The following TNRC6B variants were observed in gnomAD, a reference collection of about 807,000 sequenced individuals.
TNRC6B encodes trinucleotide repeat-containing gene 6B protein.
TNRC6B carries 52 observed loss-of-function variants against 203.6 expected under a neutral mutation model. That is an observed-to-expected ratio of 0.26 (90% confidence interval 0.20 to 0.32). The LOEUF (loss-of-function observed/expected upper bound fraction) is 0.32, where lower values mean the gene tolerates loss of function less well. Ranked by LOEUF, TNRC6B falls within the 10% of genes least tolerant of loss-of-function variation. TNRC6B has a pLI of 1.00. For missense variants in TNRC6B, 1,923 were observed against 2,286.2 expected (o/e 0.84, Z 3.24); for synonymous variants, 838 against 845.7 (o/e 0.99, Z 0.16).
At chr22:40,087,507 T>C (rs2068110894) in intron 1 of TNRC6B, among the ~76,000 whole-genome samples, 1 of 152,156 alleles carries the variant, frequency 6.6e-6, no homozygotes, top group Non-Finnish European at 1.5e-5. Context: ...AAGACAATTA[T>C]ATATGTAATT....
At chr22:40,263,853 G>A (rs1185897370) in intron 4 of TNRC6B, among the ~76,000 whole-genome samples, 2 of 152,166 alleles carry the variant, frequency 1.3e-5, no homozygotes, top group African/African-American at 2.4e-5. Context: ...TGCTTACTCC[G>A]CAGCATTGTG....
intron 4 of TNRC6B, among the ~76,000 whole-genome samples, chr22:40,171,053 C>A (rs2068991126): frequency 1.4e-5 from 2 of 145,602 alleles, no homozygotes. Context: ...TATATATATA[C>A]ACATACATGT....
At chr22:40,300,634 T>A (rs2071010430) in intron 13 of TNRC6B, 48 bp downstream of exon 13, 2 of 1,580,104 alleles carry the variant, frequency 1.3e-6, no homozygotes, top group African/African-American at 2.8e-5. Context: ...ATTTGCTTTT[T>A]TTTTTTCTTT....
chr22:40,149,404 C>T (rs2068725665), intron 3 of TNRC6B, among the ~76,000 whole-genome samples: 1 of 152,106 alleles, frequency 6.6e-6, no homozygotes, highest in Non-Finnish European at 1.5e-5. Flanking sequence ...TGCGGTGGCT[C>T]ACACTTGTAA....
chr22:40,303,161 A>C (rs149469875), intron 15 of TNRC6B, among the ~76,000 whole-genome samples: 1 of 149,348 alleles, frequency 6.7e-6, no homozygotes, highest in Admixed American at 6.7e-5. Context: ...TCCTGAGTAG[A>C]TGGGATTACA....
intron 3 of TNRC6B, among the ~76,000 whole-genome samples, chr22:40,258,813 C>T (rs975981026): frequency 8.5e-5 from 13 of 152,148 alleles, no homozygotes; most frequent in African/African-American, 3.1e-4. Flanking sequence ...TGATACCTAC[C>T]AAATTTCTTC....
chr22:40,208,834 T>A (rs2069520819), intron 1 of TNRC6B, among the ~76,000 whole-genome samples: 1 of 152,238 alleles, frequency 6.6e-6, no homozygotes, highest in African/African-American at 2.4e-5. Context: ...TACTTATTTT[T>A]AAATGCGTTT....
intron 3 of TNRC6B, among the ~76,000 whole-genome samples, chr22:40,142,802 C>T (rs181994239): frequency 2.0e-5 from 3 of 151,778 alleles, no homozygotes; most frequent in African/African-American, 4.8e-5. Context: ...TAAGACTTCA[C>T]GATTAGAAAA....
At chr22:40,297,491 A>T (rs2146543314) in intron 12 of TNRC6B, among the ~76,000 whole-genome samples, 1 of 152,302 alleles carries the variant, frequency 6.6e-6, no homozygotes, top group Non-Finnish European at 1.5e-5. Flanking sequence ...ATGCTCATAA[A>T]GATATACGTA....
intron 12 of TNRC6B, among the ~76,000 whole-genome samples, chr22:40,291,813 T>C (rs982198080): frequency 1.3e-5 from 2 of 152,258 alleles, no homozygotes; most frequent in African/African-American, 4.8e-5. Context: ...CAAAGCACAT[T>C]AATATTTTAA....
At chr22:40,154,898 T>TATATATATATATAC (rs2068806229) in intron 3 of TNRC6B, among the ~76,000 whole-genome samples, 1 of 111,840 alleles carries the variant, frequency 8.9e-6, no homozygotes. Context: ...TATATATACA[T>TATATATATATATAC]ATATATATAT....
chr22:40,321,412 G>A (rs1423617930), intron 22 of TNRC6B, 183 bp downstream of exon 22: 4 of 675,630 alleles, frequency 5.9e-6, no homozygotes, highest in Non-Finnish European at 2.5e-6. Flanking sequence ...ACCAAAGCTT[G>A]GATTGTCCTG....
chr22:40,256,920 A>G (rs75973835), intron 3 of TNRC6B, among the ~76,000 whole-genome samples: 7,778 of 152,234 alleles, frequency 0.051, 282 homozygotes, highest in South Asian at 0.094. Flanking sequence ...AAAGATCACT[A>G]GTGACTTATG....
chr22:40,319,826 T>A (rs2071311941), intron 21 of TNRC6B, among the ~76,000 whole-genome samples: 1 of 152,188 alleles, frequency 6.6e-6, no homozygotes, highest in African/African-American at 2.4e-5. Context: ...TTCGGTACTA[T>A]TGGTGGTTTC....
intron 1 of TNRC6B, among the ~76,000 whole-genome samples, chr22:40,053,648 TGTA>T: frequency 6.6e-6 from 1 of 152,350 alleles, no homozygotes; most frequent in Non-Finnish European, 1.5e-5. Flanking sequence ...GTGAGACTAT[TGTA>T]GTCATCTTTG....
At chr22:40,134,147 C>A (rs898144918) in intron 3 of TNRC6B, among the ~76,000 whole-genome samples, 8 of 152,090 alleles carry the variant, frequency 5.3e-5, no homozygotes. Context: ...AATACTCTAT[C>A]CTCAAGGATG....
chr22:40,277,436 C>T (rs946826169), intron 8 of TNRC6B, among the ~76,000 whole-genome samples: 3 of 152,182 alleles, frequency 2.0e-5, no homozygotes, highest in Admixed American at 6.6e-5. Context: ...TGTTTCCAAC[C>T]GCATTACTGT....
Position 40,220,734 on chromosome 22 carries a change from G to A in TNRC6B, c.6-25281G>A, listed in dbSNP as rs563883627. Among the ~76,000 whole-genome samples, 6 of 152,248 alleles carry A rather than the reference G, an allele frequency of 3.9e-5. No homozygotes were observed. In the South Asian group the frequency reaches 1.0e-3, roughly 26 times the overall value. On this transcript the variant is annotated intron_variant, in intron 1 of 22. Coordinates refer to ENST00000454349, the MANE Select transcript of TNRC6B (RefSeq NM_001162501.2). Reference sequence around the variant, plus strand: ...TGGAAAGCTTAACTATAGAAACCCCGAGTTGGCCAGGAGAATTGGCAGGCG... The same window carrying A: ...TGGAAAGCTTAACTATAGAAACCCCAAGTTGGCCAGGAGAATTGGCAGGCG...
In TNRC6B at chr22:40,328,535, T is replaced by C. The variant is rs2071429426; in HGVS notation, c.*5294T>C. 1 of 152,194 alleles carries C rather than the reference T, an allele frequency of 6.6e-6. No individual in the cohort carries two copies. The highest frequency in any genetic ancestry group is 2.4e-5 in the African/African-American group (1 of 41,462). 9.4% of individuals were successfully genotyped at this position (152,194 alleles called of 1,614,324 possible). A position where few individuals can be genotyped will look rare whatever the true frequency, so the allele number is the denominator to read the frequency against. On this transcript the variant is annotated 3_prime_UTR_variant, in exon 23 of 23. Coordinates refer to ENST00000454349, the MANE Select transcript of TNRC6B (RefSeq NM_001162501.2). ...AACTATTCACTCATTTTTACCACTT[T>C]TTTTTTTGGGTGAGGGGGTGATTTT...
Sources: allele counts gnomAD v4.1 joint callset (sites outside exome capture counted in the v4.1 genomes callset), GRCh38; gene constraint gnomAD v4.1.1; transcripts MANE v1.5; gene names NCBI Gene and HGNC (gene_info 2026-07-23, HGNC 2026-07-21).